The following PDE5A variants were observed in gnomAD, a reference collection of about 807,000 sequenced individuals.
PDE5A encodes the protein cGMP-specific 3',5'-cyclic phosphodiesterase.
Under a neutral mutation model 110.2 loss-of-function variants are expected in PDE5A, and 67 were observed. That is an observed-to-expected ratio of 0.61 (90% CI 0.50 to 0.75). The LOEUF is 0.75. PDE5A is among the 30% of genes least tolerant of loss of function. The pLI, the probability that PDE5A is intolerant of heterozygous loss-of-function variation, is 0.00. For missense variants in PDE5A, 862 were observed against 1,045.1 expected, an observed-to-expected ratio of 0.82 and a Z score of 2.42; for synonymous variants, 328 against 351.2, an observed-to-expected ratio of 0.93 and a Z score of 0.74.
At chr4:119,613,155 A>G (rs1207251798) in intron 1 of PDE5A, among the ~76,000 whole-genome samples, 1 of 152,216 alleles carries the variant, frequency 6.6e-6, no homozygotes, top group African/African-American at 2.4e-5. Context: ...ACTGAAGATA[A>G]TTGTTTATGG....
intron 1 of PDE5A, among the ~76,000 whole-genome samples, chr4:119,626,832 T>A (rs2953294): frequency 0.94 from 143,453 of 152,106 alleles, 67,712 homozygotes; most frequent in Non-Finnish European, 0.96. Context: ...GTTATTAAAT[T>A]GAAAAGATTA....
At chr4:119,527,451 C>A (rs926185478) in intron 11 of PDE5A, among the ~76,000 whole-genome samples, 4 of 152,108 alleles carry the variant, frequency 2.6e-5, no homozygotes, top group Admixed American at 2.6e-4. Context: ...CTCTTGTACT[C>A]TGCTTCTTTG....
chr4:119,548,687 T>A (rs1266374417), intron 9 of PDE5A: 1 of 152,236 alleles, frequency 6.6e-6, no homozygotes, highest in Non-Finnish European at 1.5e-5. Context: ...TTCAGTCAAT[T>A]ATTAAATCTG....
intron 1 of PDE5A, among the ~76,000 whole-genome samples, chr4:119,624,426 G>A (rs1010903911): frequency 6.6e-6 from 1 of 151,950 alleles, no homozygotes; most frequent in African/African-American, 2.4e-5. Context: ...AATGAAGGAC[G>A]GAATTCCAAA....
intron 3 of PDE5A, among the ~76,000 whole-genome samples, chr4:119,580,068 A>G (rs1209348595): frequency 6.6e-6 from 1 of 152,142 alleles, no homozygotes; most frequent in East Asian, 1.9e-4. Flanking sequence ...TCTGGGGGTC[A>G]GTAGCTGTCC....
intron 20 of PDE5A, chr4:119,500,930 C>A (rs995551770): frequency 2.1e-6 from 1 of 482,926 alleles, no homozygotes; most frequent in Non-Finnish European, 3.7e-6. Flanking sequence ...GCACATAATT[C>A]TTCTTAGCAT....
intron 7 of PDE5A, among the ~76,000 whole-genome samples, chr4:119,556,752 G>A (rs1012376391): frequency 2.0e-5 from 3 of 152,168 alleles, no homozygotes; most frequent in Non-Finnish European, 4.4e-5. Flanking sequence ...GGAATGAAAG[G>A]TAGAGTATTC....
At chr4:119,575,383 G>T (rs1465647305) in intron 3 of PDE5A, among the ~76,000 whole-genome samples, 2 of 152,166 alleles carry the variant, frequency 1.3e-5, no homozygotes, top group East Asian at 3.9e-4. Flanking sequence ...ACACATAATT[G>T]TCAGATTCAC....
At chr4:119,502,821 T>TTAAC (rs1210384010) in intron 18 of PDE5A, among the ~76,000 whole-genome samples, 166 bp from the exon 19 acceptor site, 1 of 152,206 alleles carries the variant, frequency 6.6e-6, no homozygotes, top group Non-Finnish European at 1.5e-5. Context: ...GCGTGCTCTC[T>TTAAC]TAACTATTAC....
intron 2 of PDE5A, among the ~76,000 whole-genome samples, chr4:119,598,419 G>A (rs1221788557): frequency 6.6e-6 from 1 of 152,072 alleles, no homozygotes; most frequent in Admixed American, 6.5e-5. Context: ...TCAGTGCAAA[G>A]ACAATATACA....
chr4:119,587,532 C>T (rs924872701), intron 3 of PDE5A, among the ~76,000 whole-genome samples: 1 of 152,132 alleles, frequency 6.6e-6, no homozygotes, highest in South Asian at 2.1e-4. Context: ...TACAGGCGCC[C>T]GCCACCGCGC....
At position 119,515,605 on chromosome 4, in the gene PDE5A, A is replaced by G. The variant is rs147436715; in HGVS notation, c.2000+3440T>C. On this transcript the variant is annotated intron_variant, in intron 14 of 20. Transcript: ENST00000354960. ...ACCCTCTCTCTCAGTGCACACATAT[A>G]CATATTTCCCAGCTCTTTCATTTTC... Among the ~76,000 whole-genome samples the G allele has an allele frequency of 9.9e-4, 150 of 152,276 alleles. No homozygotes were observed. In the Middle Eastern group the frequency reaches 0.014, roughly 14 times the overall value.
intron 9 of PDE5A, chr4:119,550,406 A>G (rs1243620220): frequency 1.3e-5 from 2 of 152,178 alleles, no homozygotes; most frequent in Non-Finnish European, 2.9e-5. Flanking sequence ...GTGAATTTTG[A>G]ACAGATCTGA....
At chr4:119,541,310 T>C (rs942896660) in intron 10 of PDE5A, among the ~76,000 whole-genome samples, 2 of 151,472 alleles carry the variant, frequency 1.3e-5, no homozygotes, top group African/African-American at 2.4e-5. Flanking sequence ...ATTATATTTA[T>C]ATATTTTATA....
rs749666517 is a variant in PDE5A, at chr4:119,525,645, G to A, written c.1683C>T (p.Phe561=). Residue 561 remains phenylalanine, a synonymous_variant, in exon 12 of 21, where the codon TTC becomes TTT. Coordinates refer to ENST00000354960, the MANE Select transcript of PDE5A (RefSeq NM_001083.4). The surrounding 1 kb of genome is among the most constrained non-coding windows in gnomAD (Gnocchi z 4.3). ...CCAGATCAGACAGCTCAAAGTCACT[G>A]AAGCTAAAGTCAGTAATTTTAAGGG... is the stretch of plus-strand genomic sequence containing the variant. ...AQTLKITDFS[F]SDFELSDLET... 1.9e-6 allele frequency: 3 copies of A among 1,613,244 alleles called. No homozygotes were observed. Among genetic ancestry groups the A allele is most frequent in the African/African-American group, 1.3e-5 (1 of 74,948 alleles).
rs142017762 is a variant in PDE5A, at chr4:119,538,961, G to A, written c.1631C>T (p.Ala544Val). The A allele has an allele frequency of 4.0e-5, 65 of 1,609,062 alleles. No homozygotes were observed. Among genetic ancestry groups the A allele is most frequent in the Middle Eastern group, 1.7e-4 (1 of 6,054 alleles). Residue 544 changes from alanine to valine, a missense_variant and splice_region_variant, in exon 11 of 21, where the codon GCG (alanine) becomes GTG (valine). Ala to Val is a moderately conservative substitution (Grantham distance 64). Coordinates refer to ENST00000354960, the MANE Select transcript of PDE5A (RefSeq NM_001083.4). The part of the protein sequence containing the change: ...EEETRELQSL[A>V]AAVVPSAQTL... ...TTTAAAAAGAAAGAGGATAATTACCGCTAACGACTGTAGCTCTCTTGTTTC... is the reference window on the plus strand; with the variant it reads ...TTTAAAAAGAAAGAGGATAATTACCACTAACGACTGTAGCTCTCTTGTTTC...
intron 5 of PDE5A, among the ~76,000 whole-genome samples, chr4:119,563,612 A>G (rs1246340464): frequency 3.3e-5 from 5 of 152,186 alleles, no homozygotes; most frequent in African/African-American, 9.7e-5. Context: ...CAAAAATAAT[A>G]GAATTCAGAG....
intron 2 of PDE5A, among the ~76,000 whole-genome samples, chr4:119,605,049 G>A (rs1729479948): frequency 6.6e-6 from 1 of 152,064 alleles, no homozygotes; most frequent in African/African-American, 2.4e-5. Flanking sequence ...TATGACTACT[G>A]TAAAATTAAT....
rs1482643624 is a variant in PDE5A, at chr4:119,507,360, T to C, written c.2189+244A>G. ...ACTGACCTTGAGATGGCTATTAGATTTGTATATAGTTTCAGAGACACAGTG... is the reference window on the plus strand; with the variant it reads ...ACTGACCTTGAGATGGCTATTAGATCTGTATATAGTTTCAGAGACACAGTG... On this transcript the variant is annotated intron_variant, in intron 16 of 20. Transcript: ENST00000354960. Among the ~76,000 whole-genome samples, 8 of 151,874 alleles carry C rather than the reference T, an allele frequency of 5.3e-5. No individual in the cohort carries two copies. The Admixed American group carries it at 5.3e-4, about 10-fold the overall frequency.
Sources: allele counts gnomAD v4.1 joint callset (sites outside exome capture counted in the v4.1 genomes callset), GRCh38; gene constraint gnomAD v4.1.1; non-coding constraint Gnocchi (gnomAD v3.1); transcripts MANE v1.5; gene names NCBI Gene and HGNC (gene_info 2026-07-23, HGNC 2026-07-21).